Variants in IGF1R observed in about 807,000 individuals in gnomAD.
IGF1R encodes the protein insulin-like growth factor 1 receptor.
IGF1R carries 44 observed loss-of-function variants against 144.6 expected under a neutral mutation model. That is an observed-to-expected ratio of 0.30 (90% CI 0.24 to 0.39). The LOEUF (loss-of-function observed/expected upper bound fraction) is 0.39, where lower values mean the gene tolerates loss of function less well. Ranked by LOEUF, IGF1R falls within the 10% of genes least tolerant of loss-of-function variation. The probability of loss-of-function intolerance (pLI) is 1.00; values close to 1 mark genes in which losing one functional copy is unlikely to be tolerated. For missense variants in IGF1R, 1,355 were observed against 1,833.7 expected (o/e 0.74, Z 4.77); for synonymous variants, 795 against 722.8 (o/e 1.10, Z -1.60).
intron 2 of IGF1R, among the ~76,000 whole-genome samples, chr15:98,737,093 A>G (rs1437425727): frequency 6.6e-6 from 1 of 152,164 alleles, no homozygotes; most frequent in Non-Finnish European, 1.5e-5. Context: ...GAGTGTTTTG[A>G]GAGGGACACC....
At chr15:98,849,044 T>G (rs2011447866) in intron 2 of IGF1R, among the ~76,000 whole-genome samples, 1 of 141,898 alleles carries the variant, frequency 7.0e-6, no homozygotes, top group South Asian at 2.1e-4. Flanking sequence ...ATACAACAGA[T>G]TTTTTTCTTT....
chr15:98,741,009 C>G (rs557516010), intron 2 of IGF1R, among the ~76,000 whole-genome samples: 1 of 152,104 alleles, frequency 6.6e-6, no homozygotes, highest in South Asian at 2.1e-4. Context: ...AAAATTCTTT[C>G]TGAATAGAAA....
chr15:98,743,546 A>C (rs1257917565), intron 2 of IGF1R, among the ~76,000 whole-genome samples: 1 of 152,210 alleles, frequency 6.6e-6, no homozygotes, highest in Non-Finnish European at 1.5e-5. Flanking sequence ...ACATGATGCC[A>C]TGAGACCAAG....
chr15:98,912,177 C>G lies in IGF1R; in HGVS notation c.1589+736C>G, dbSNP rs2015054101. Among the ~76,000 whole-genome samples, 6 of 152,228 alleles carry G rather than the reference C, an allele frequency of 3.9e-5. No homozygotes were observed. The South Asian group carries it at 1.2e-3, about 32-fold the overall frequency. On this transcript the variant is annotated intron_variant, in intron 7 of 20. Coordinates refer to ENST00000650285, the MANE Select transcript of IGF1R (RefSeq NM_000875.5). ...CCCCTTACCCAGGTCCCATGTTAAT[C>G]CCATAGTTCTCTCTCCCAGATGTGT... is the stretch of plus-strand genomic sequence containing the variant.
chr15:98,783,255 G>A (rs946695476), intron 2 of IGF1R, among the ~76,000 whole-genome samples: 3 of 152,286 alleles, frequency 2.0e-5, no homozygotes, highest in Non-Finnish European at 2.9e-5. Flanking sequence ...GGATATTGAC[G>A]TTAATATAGT....
intron 2 of IGF1R, among the ~76,000 whole-genome samples, chr15:98,721,946 G>A (rs2054255944): frequency 6.6e-6 from 1 of 152,124 alleles, no homozygotes; most frequent in South Asian, 2.1e-4. Flanking sequence ...GGAAGTGGAA[G>A]CGAACACATT....
At position 98,854,720 on chromosome 15, in the gene IGF1R, C is replaced by T. The variant is rs188543342; in HGVS notation, c.641-36605C>T. Among the ~76,000 whole-genome samples, 14 of 152,290 alleles carry T rather than the reference C, an allele frequency of 9.2e-5. No individual in the cohort carries two copies. In the East Asian group the frequency reaches 2.7e-3, roughly 29 times the overall value. On this transcript the variant is annotated intron_variant, in intron 2 of 20. Coordinates refer to ENST00000650285, the MANE Select transcript of IGF1R (RefSeq NM_000875.5). ...GGTCTGGGAGCCAAGAGGATTTCTC[C>T]TGTTCAGATAAGTCGGGGGAATAGA...
intron 2 of IGF1R, among the ~76,000 whole-genome samples, chr15:98,843,433 G>A (rs768886864): frequency 4.6e-5 from 7 of 152,214 alleles, no homozygotes; most frequent in East Asian, 1.9e-4. Context: ...CCTTCTGGTC[G>A]TGTTTCTACT....
At chr15:98,936,071 C>G (rs1182623553) in intron 17 of IGF1R, among the ~76,000 whole-genome samples, 3 of 152,092 alleles carry the variant, frequency 2.0e-5, no homozygotes, top group African/African-American at 7.2e-5. Context: ...CATTCATAAA[C>G]CCCCTCCCCA....
At chr15:98,908,536 C>T (rs2014841675) in intron 5 of IGF1R, 149 bp from the exon 6 acceptor site, 2 of 692,390 alleles carry the variant, frequency 2.9e-6, no homozygotes, top group Non-Finnish European at 5.3e-6. Context: ...ACTGTCTGTT[C>T]TCCTATAGTG....
At chr15:98,938,061 G>A (rs1596471740) in intron 17 of IGF1R, among the ~76,000 whole-genome samples, 1 of 152,222 alleles carries the variant, frequency 6.6e-6, no homozygotes, top group Non-Finnish European at 1.5e-5. Context: ...CCGAGGAGTT[G>A]TTATAATGAT....
intron 2 of IGF1R, among the ~76,000 whole-genome samples, chr15:98,873,276 C>CT (rs929894986): frequency 6.6e-6 from 1 of 152,066 alleles, no homozygotes; most frequent in African/African-American, 2.4e-5. Flanking sequence ...TTCACTGATA[C>CT]TTTTTTTCAA....
chr15:98,687,055 G>GGGA (rs984677092), intron 1 of IGF1R, among the ~76,000 whole-genome samples: 3 of 152,124 alleles, frequency 2.0e-5, no homozygotes, highest in African/African-American at 4.8e-5. Context: ...TAAAGGTTTT[G>GGGA]GGAGGAGGAG....
At chr15:98,923,559 C>T (rs966217726) in intron 11 of IGF1R, among the ~76,000 whole-genome samples, 2 of 152,218 alleles carry the variant, frequency 1.3e-5, no homozygotes, top group African/African-American at 2.4e-5. Context: ...CCAAGATTTT[C>T]CTGCTGTGCT....
rs1427402714 is a variant in IGF1R at position 98,648,774 on chromosome 15, C to G, written c.-808C>G. Among the ~76,000 whole-genome samples, 1 of 146,738 alleles carries G rather than the reference C, an allele frequency of 6.8e-6. No individual in the cohort carries two copies. The highest frequency in any genetic ancestry group is 6.7e-5 in the Admixed American group (1 of 14,826). ...CCCCGCGCCCTCCACGCCCCTCCCGCGCGGGGGCAGCTCCACGGCGCGCCT... is the reference window on the plus strand; with the variant it reads ...CCCCGCGCCCTCCACGCCCCTCCCGGGCGGGGGCAGCTCCACGGCGCGCCT... On this transcript the variant is annotated 5_prime_UTR_variant, in exon 1 of 21. Transcript: ENST00000650285.
At chr15:98,898,347 G>A (rs570043715) in intron 4 of IGF1R, among the ~76,000 whole-genome samples, 2 of 152,312 alleles carry the variant, frequency 1.3e-5, no homozygotes, top group South Asian at 4.1e-4. Context: ...GGTACATATT[G>A]ATGCATGATG....
At chr15:98,867,087 AT>A (rs889402446) in intron 2 of IGF1R, among the ~76,000 whole-genome samples, 4 of 148,966 alleles carry the variant, frequency 2.7e-5, no homozygotes, top group Admixed American at 2.0e-4. Context: ...ATGGAGGTTT[AT>A]TTTTTTTTAA....
At position 98,858,574 on chromosome 15, in the gene IGF1R, A is replaced by C. The variant is rs1231085057; in HGVS notation, c.641-32751A>C. Among the ~76,000 whole-genome samples, 6 of 152,324 alleles carry C rather than the reference A, an allele frequency of 3.9e-5. No homozygotes were observed. In the East Asian group the frequency reaches 1.2e-3, roughly 29 times the overall value. On this transcript the variant is annotated intron_variant, in intron 2 of 20. Coordinates refer to ENST00000650285, the MANE Select transcript of IGF1R (RefSeq NM_000875.5). ...AAATAACATCAATCCACCCAAGTAC[A>C]CAAGGACAATCTCAGCCATTTAATC...
At chr15:98,924,397 C>T in intron 12 of IGF1R, 128 bp from the exon 13 acceptor site, 1 of 885,222 alleles carries the variant, frequency 1.1e-6, no homozygotes, top group South Asian at 1.3e-5. Flanking sequence ...TTTACTGACA[C>T]TCAGGATCAT....
Sources: allele counts gnomAD v4.1 joint callset (sites outside exome capture counted in the v4.1 genomes callset), GRCh38; gene constraint gnomAD v4.1.1; transcripts MANE v1.5; gene names NCBI Gene and HGNC (gene_info 2026-07-23, HGNC 2026-07-21).